IQSEC1: variants seen among roughly 807,000 people sequenced by gnomAD.
IQSEC1 encodes IQ motif and SEC7 domain-containing protein 1.
In IQSEC1, 31 loss-of-function variants were observed where a neutral mutation model predicts 91.0. The observed-to-expected ratio is 0.34, with a 90% confidence interval of 0.26 to 0.46. The LOEUF is 0.46. IQSEC1 is among the 20% of genes least tolerant of loss of function. The pLI is 1.00. For missense variants in IQSEC1, 1,388 were observed against 1,575.6 expected (o/e 0.88, Z 2.02); for synonymous variants, 699 against 662.6 (o/e 1.05, Z -0.84).
intron 1 of IQSEC1, among the ~76,000 whole-genome samples, chr3:13,038,276 A>G (rs951282248): frequency 0.018 from 2,508 of 139,396 alleles, 26 homozygotes; most frequent in East Asian, 0.043. Context: ...ATATATATAT[A>G]TATATATATA....
rs1235632966 is a variant in IQSEC1, at chr3:13,192,286, C to T, written c.273-28153G>A. The stretch of plus-strand genomic sequence containing the variant: ...CCGGGAGGCGGAGCTTGCAGTGAGT[C>T]GAGATCGCACCACTGCACTCCAGCC... On this transcript the variant is annotated intron_variant, in intron 1 of 15. Transcript: ENST00000648114. Among the ~76,000 whole-genome samples, 13 of 148,936 alleles carry T rather than the reference C, an allele frequency of 8.7e-5. No homozygotes were observed. In the East Asian group the frequency reaches 2.4e-3, roughly 27 times the overall value.
rs183100119 is a variant in IQSEC1, at chr3:12,937,455, C to G, written c.319-758G>C. Among the ~76,000 whole-genome samples the G allele has an allele frequency of 9.9e-4, 151 of 152,372 alleles. 1 individual carries two copies. Among genetic ancestry groups the G allele is most frequent in the African/African-American group, 3.2e-3 (132 of 41,592 alleles). On this transcript the variant is annotated intron_variant, in intron 2 of 13. Coordinates refer to ENST00000613206, the MANE Select transcript of IQSEC1 (RefSeq NM_001134382.3). ...TTTCCACAGCATCAACCAGGCAGCT[C>G]TTGTGGCCAGATGGGTCACTGAGCT...
At chr3:13,010,860 C>T (rs1307398775) in intron 1 of IQSEC1, among the ~76,000 whole-genome samples, 2 of 152,116 alleles carry the variant, frequency 1.3e-5, no homozygotes, top group Admixed American at 1.3e-4. Context: ...ACAGGTATCA[C>T]CCAAGACTGC....
intron 1 of IQSEC1, among the ~76,000 whole-genome samples, chr3:13,232,673 C>T (rs558731174): frequency 2.0e-5 from 3 of 152,270 alleles, no homozygotes; most frequent in East Asian, 3.9e-4. Flanking sequence ...TCATGGGCTA[C>T]ACAGACTTGG....
intron 1 of IQSEC1, among the ~76,000 whole-genome samples, chr3:13,027,372 G>T (rs892274): frequency 6.6e-6 from 1 of 152,164 alleles, no homozygotes; most frequent in African/African-American, 2.4e-5. Flanking sequence ...AAGAGCTTCC[G>T]CAAGTCCATC....
At chr3:13,023,222 C>T (rs1193266250) in intron 1 of IQSEC1, among the ~76,000 whole-genome samples, 2 of 152,120 alleles carry the variant, frequency 1.3e-5, no homozygotes, top group South Asian at 4.1e-4. Context: ...AGGGCTGGAG[C>T]CTCTGAGCAG....
chr3:13,201,932 A>G (rs995333741), intron 1 of IQSEC1, among the ~76,000 whole-genome samples: 3 of 152,254 alleles, frequency 2.0e-5, no homozygotes, highest in African/African-American at 7.2e-5. Context: ...AGTTAGGACA[A>G]ATGGGAAAAT....
chr3:13,106,043 G>C (rs1706146279), intron 2 of IQSEC1, among the ~76,000 whole-genome samples: 2 of 152,162 alleles, frequency 1.3e-5, no homozygotes, highest in South Asian at 2.1e-4. Flanking sequence ...TGATGGAGGT[G>C]GAGCCACCAA....
Position 12,940,942 on chromosome 3 carries a change from T to C in IQSEC1, c.318+629A>G, listed in dbSNP as rs66537644. 0.12 allele frequency among the ~76,000 whole-genome samples: 18,074 copies of C among 152,070 alleles called. 1,208 individuals carry two copies. Among genetic ancestry groups the C allele is most frequent in the South Asian group, 0.19 (902 of 4,826 alleles). ...CTGAGAGGCTACCTCTTGTCCTCCC[T>C]CAAGCCCAGCCCTAGGCACACTGTG... On this transcript the variant is annotated intron_variant, in intron 2 of 13. Coordinates refer to ENST00000613206, the MANE Select transcript of IQSEC1 (RefSeq NM_001134382.3). The surrounding 1 kb of genome is among the most constrained non-coding windows in gnomAD (Gnocchi z 4.4).
chr3:13,097,885 C>T (rs1260829628), intron 2 of IQSEC1, among the ~76,000 whole-genome samples: 2 of 152,236 alleles, frequency 1.3e-5, no homozygotes, highest in Non-Finnish European at 2.9e-5. Flanking sequence ...TTCTTCATGA[C>T]CAGCTCAGTG....
intron 1 of IQSEC1, among the ~76,000 whole-genome samples, chr3:12,959,885 T>C (rs1337033302): frequency 2.0e-5 from 3 of 152,230 alleles, no homozygotes; most frequent in Admixed American, 1.3e-4. Flanking sequence ...CATTATCTTC[T>C]TGGGCCATTT....
intron 2 of IQSEC1, among the ~76,000 whole-genome samples, chr3:13,108,483 C>A (rs1220314489): frequency 2.6e-5 from 4 of 152,034 alleles, no homozygotes; most frequent in African/African-American, 9.7e-5. Flanking sequence ...TGTATCTCCA[C>A]CAGCGGCAAT....
chr3:13,065,655 C>T (rs937538408), intron 1 of IQSEC1, among the ~76,000 whole-genome samples: 21 of 152,322 alleles, frequency 1.4e-4, no homozygotes, highest in Non-Finnish European at 2.4e-4. Context: ...AGCAGTGCAG[C>T]TGCTGTGGAA....
intron 1 of IQSEC1, among the ~76,000 whole-genome samples, chr3:13,039,207 A>G (rs952531277): frequency 6.6e-4 from 100 of 152,344 alleles, no homozygotes; most frequent in African/African-American, 2.4e-3. Context: ...CTATAGAGGC[A>G]TCTCCCCACA....
chr3:13,148,055 A>C (rs1403058938), intron 2 of IQSEC1, among the ~76,000 whole-genome samples: 1 of 152,336 alleles, frequency 6.6e-6, no homozygotes, highest in East Asian at 1.9e-4. Context: ...TATTTTCTAC[A>C]CAGGTTGTAC....
chr3:13,048,472 C>T (rs111287925), intron 1 of IQSEC1, among the ~76,000 whole-genome samples: 1,945 of 152,340 alleles, frequency 0.013, 20 homozygotes, highest in Non-Finnish European at 0.019. Context: ...CACCCCCCAT[C>T]GCTGCCTCAC....
intron 1 of IQSEC1, among the ~76,000 whole-genome samples, chr3:13,206,835 G>A (rs1217660136): frequency 6.6e-6 from 1 of 152,122 alleles, no homozygotes; most frequent in Non-Finnish European, 1.5e-5. Context: ...GGCCAGGCAT[G>A]GACCAATGAT....
chr3:12,994,835 G>A lies in IQSEC1; in HGVS notation c.24-52970C>T, dbSNP rs1702161523. Among the ~76,000 whole-genome samples, 2 of 152,284 alleles carry A rather than the reference G, an allele frequency of 1.3e-5. No homozygotes were observed. The highest frequency in any genetic ancestry group is 4.1e-4 in the South Asian group (2 of 4,838). Reference sequence around the variant, plus strand: ...GATTTAGATGCTGGGACGGGCCCTGGTGGCCTGGCGACTGTTACAGAGAAT... The same window carrying A: ...GATTTAGATGCTGGGACGGGCCCTGATGGCCTGGCGACTGTTACAGAGAAT... On this transcript the variant is annotated intron_variant, in intron 1 of 13. Coordinates refer to ENST00000613206, the MANE Select transcript of IQSEC1 (RefSeq NM_001134382.3). The surrounding 1 kb of genome is among the most constrained non-coding windows in gnomAD (Gnocchi z 4.5).
At chr3:13,203,248 C>T (rs1335407589) in intron 1 of IQSEC1, among the ~76,000 whole-genome samples, 1 of 152,046 alleles carries the variant, frequency 6.6e-6, no homozygotes, top group Non-Finnish European at 1.5e-5. Flanking sequence ...CACAACTCAC[C>T]CACACAGGCA....
Sources: gnomAD v4.1 joint callset for allele counts (sites outside exome capture counted in the v4.1 genomes callset) on GRCh38, gnomAD v4.1.1 for gene constraint, Gnocchi (gnomAD v3.1) non-coding constraint, MANE v1.5 for transcripts, NCBI Gene and HGNC (gene_info 2026-07-23, HGNC 2026-07-21) for gene names.